Variants in BCKDHB observed in about 807,000 individuals in gnomAD.
BCKDHB encodes 2-oxoisovalerate dehydrogenase subunit beta, mitochondrial.
Under a neutral mutation model 48.5 loss-of-function variants are expected in BCKDHB, and 41 were observed. The observed-to-expected ratio is 0.85, with a 90% CI of 0.66 to 1.10. The LOEUF (loss-of-function observed/expected upper bound fraction) is 1.10. Among genes scored for constraint, BCKDHB ranks in the 50% least tolerant of loss-of-function variants. The pLI is 0.00. For synonymous variants in BCKDHB, 201 were observed against 174.8 expected, an observed-to-expected ratio of 1.15 and a Z score of -1.18; for missense variants, 496 against 494.2, an observed-to-expected ratio of 1.00 and a Z score of -0.03.
the BCKDHB span, among the ~76,000 whole-genome samples, chr6:80,430,426 T>C: frequency 7.2e-5 from 11 of 152,202 alleles, no homozygotes; most frequent in Non-Finnish European, 5.9e-5. Flanking sequence ...TGGAATAGTT[T>C]CAGAAGGAAT....
chr6:80,365,807 T>C, the BCKDHB span, among the ~76,000 whole-genome samples: 2 of 152,222 alleles, frequency 1.3e-5, no homozygotes, highest in East Asian at 1.9e-4. Context: ...AACTGATAAA[T>C]GTCCATGAAT....
At chr6:80,395,575 C>A in the BCKDHB span, among the ~76,000 whole-genome samples, 1 of 152,274 alleles carries the variant, frequency 6.6e-6, no homozygotes, top group South Asian at 2.1e-4. Context: ...GGAAGCAGAG[C>A]ATAAAAGTTT....
chr6:80,234,023 A>G (rs922235351), intron 8 of BCKDHB, among the ~76,000 whole-genome samples: 1 of 152,120 alleles, frequency 6.6e-6, no homozygotes, highest in African/African-American at 2.4e-5. Flanking sequence ...TCTCATAAGG[A>G]GCGTGCACCC....
intron 6 of BCKDHB, among the ~76,000 whole-genome samples, chr6:80,186,422 C>G (rs1379302134): frequency 6.6e-6 from 1 of 152,192 alleles, no homozygotes; most frequent in Non-Finnish European, 1.5e-5. Flanking sequence ...CCATGCCCCA[C>G]CAACAGCACA....
At chr6:80,125,809 A>G (rs1298131100) in intron 1 of BCKDHB, among the ~76,000 whole-genome samples, 3 of 152,216 alleles carry the variant, frequency 2.0e-5, no homozygotes, top group African/African-American at 7.2e-5. Context: ...TATAACCTCA[A>G]AGATCATTGA....
At chr6:80,291,165 G>A (rs954166887) in intron 9 of BCKDHB, among the ~76,000 whole-genome samples, 14 of 152,156 alleles carry the variant, frequency 9.2e-5, no homozygotes, top group African/African-American at 3.1e-4. Context: ...TATTCAAGAT[G>A]GAGTTGCTCT....
At chr6:80,363,600 G>GAA in the BCKDHB span, among the ~76,000 whole-genome samples, 1 of 152,074 alleles carries the variant, frequency 6.6e-6, no homozygotes, top group African/African-American at 2.4e-5. Flanking sequence ...ATTGAAGTTA[G>GAA]AAAAGATGAT....
Position 80,168,922 on chromosome 6 carries a change from T to C in BCKDHB, c.525T>C (p.Phe175=), listed in dbSNP as rs2127775566. ...ATCGCTATCGCTCTGGGGATCTTTTTAACTGTGGAAGCCTCACTATCCGGT... is the reference window on the plus strand; with the variant it reads ...ATCGCTATCGCTCTGGGGATCTTTTCAACTGTGGAAGCCTCACTATCCGGT... ...AKYRYRSGDL[F]NCGSLTIRSP... The change falls in exon 5 of 10, where the codon TTT becomes TTC. Residue 175 remains phenylalanine, a synonymous_variant. Transcript: ENST00000320393. The C allele has an allele frequency of 3.1e-6, 5 of 1,614,184 alleles. No individual in the cohort carries two copies. The highest frequency in any genetic ancestry group is 4.2e-6 in the Non-Finnish European group (5 of 1,180,010).
chr6:80,429,952 A>C, the BCKDHB span, among the ~76,000 whole-genome samples: 13,565 of 152,266 alleles, frequency 0.089, 685 homozygotes, highest in Non-Finnish European at 0.11. Flanking sequence ...CGGTTTTCAA[A>C]GGGAATGCTT....
chr6:80,201,441 G>A (rs551942791), intron 7 of BCKDHB, among the ~76,000 whole-genome samples: 1 of 152,256 alleles, frequency 6.6e-6, no homozygotes, highest in Non-Finnish European at 1.5e-5. Flanking sequence ...GGATTTCTGA[G>A]TGAAGGTGAG....
At chr6:80,202,352 A>G (rs1403215270) in intron 7 of BCKDHB, among the ~76,000 whole-genome samples, 1 of 152,066 alleles carries the variant, frequency 6.6e-6, no homozygotes, top group Non-Finnish European at 1.5e-5. Context: ...TCTTATTTAA[A>G]AAGTATGTTT....
intron 1 of BCKDHB, among the ~76,000 whole-genome samples, chr6:80,111,407 C>T (rs1427016778): frequency 6.6e-6 from 1 of 152,190 alleles, no homozygotes; most frequent in Non-Finnish European, 1.5e-5. Flanking sequence ...GGAGCAGGGC[C>T]AGTCAATCTT....
intron 5 of BCKDHB, chr6:80,170,050 T>G: frequency 3.3e-6 from 2 of 599,332 alleles, no homozygotes; most frequent in Non-Finnish European, 4.2e-6. Context: ...CTTTTTCCTT[T>G]TTTTTTCAGC....
the BCKDHB span, chr6:80,356,502 T>G: frequency 6.6e-6 from 1 of 152,182 alleles, no homozygotes; most frequent in South Asian, 2.1e-4. Context: ...TACTTTTAAG[T>G]AGAAAAATCA....
At chr6:80,350,278 A>G (rs567680787), downstream of BCKDHB, among the ~76,000 whole-genome samples, 1 of 152,312 alleles carries the variant, frequency 6.6e-6, no homozygotes, top group African/African-American at 2.4e-5. Flanking sequence ...AAAACCGAAG[A>G]TATAAGAATG....
the BCKDHB span, among the ~76,000 whole-genome samples, chr6:80,372,742 G>A: frequency 2.0e-5 from 3 of 152,070 alleles, no homozygotes; most frequent in South Asian, 4.1e-4. Context: ...TTTATGTGGT[G>A]TATCACATTT....
intron 9 of BCKDHB, among the ~76,000 whole-genome samples, chr6:80,330,741 C>T (rs1374875602): frequency 6.6e-6 from 1 of 152,130 alleles, no homozygotes; most frequent in East Asian, 1.9e-4. Flanking sequence ...ATGTGTGCTT[C>T]TTTTAAGAAA....
At chr6:80,114,025 A>G (rs1028402377) in intron 1 of BCKDHB, among the ~76,000 whole-genome samples, 1 of 152,018 alleles carries the variant, frequency 6.6e-6, no homozygotes, top group Non-Finnish European at 1.5e-5. Flanking sequence ...GGTACTTCGA[A>G]TTTTTTCATC....
At chr6:80,424,949 G>A in the BCKDHB span, among the ~76,000 whole-genome samples, 1 of 152,176 alleles carries the variant, frequency 6.6e-6, no homozygotes, top group Non-Finnish European at 1.5e-5. Flanking sequence ...CTTTGAAGCT[G>A]CTTGGTGTGG....
Sources: gnomAD v4.1 joint callset for allele counts (sites outside exome capture counted in the v4.1 genomes callset) on GRCh38, gnomAD v4.1.1 for gene constraint, MANE v1.5 for transcripts, NCBI Gene and HGNC (gene_info 2026-07-23, HGNC 2026-07-21) for gene names.